The following GPR158 variants were observed in gnomAD, a reference collection of about 807,000 sequenced individuals.
The protein encoded by GPR158 is metabotropic glycine receptor.
GPR158 carries 30 observed loss-of-function variants against 78.2 expected under a neutral mutation model. The ratio of observed to expected loss-of-function variants is 0.38; its 90% CI spans 0.29 to 0.52. The LOEUF (loss-of-function observed/expected upper bound fraction) is 0.52. Ranked by LOEUF, GPR158 falls within the 20% of genes least tolerant of loss-of-function variation. The pLI is 0.83. For missense variants in GPR158, 1,463 were observed against 1,523.5 expected (o/e 0.96, Z 0.66); for synonymous variants, 581 against 591.1 (o/e 0.98, Z 0.25).
chr10:25,398,049 A>T (rs1178017569), intron 3 of GPR158, among the ~76,000 whole-genome samples: 1 of 152,156 alleles, frequency 6.6e-6, no homozygotes, highest in Non-Finnish European at 1.5e-5. Flanking sequence ...AGGGACTTCG[A>T]CTACTACAAT....
chr10:25,524,311 G>T (rs1176825523), intron 5 of GPR158, among the ~76,000 whole-genome samples: 2 of 152,088 alleles, frequency 1.3e-5, no homozygotes, highest in Admixed American at 6.6e-5. Context: ...ATATGGACAC[G>T]CAAGGGGCCC....
intron 7 of GPR158, among the ~76,000 whole-genome samples, chr10:25,587,687 A>G (rs1414580170): frequency 6.6e-6 from 1 of 152,338 alleles, no homozygotes; most frequent in South Asian, 2.1e-4. Flanking sequence ...AGACAGACCT[A>G]CACTAGATCT....
At chr10:25,233,187 A>G (rs968416510) in intron 2 of GPR158, among the ~76,000 whole-genome samples, 1 of 152,198 alleles carries the variant, frequency 6.6e-6, no homozygotes, top group Admixed American at 6.5e-5. Flanking sequence ...TTTATTCTAA[A>G]TATGTGGGTA....
At chr10:25,326,110 C>G (rs938476898) in intron 2 of GPR158, among the ~76,000 whole-genome samples, 15 of 152,136 alleles carry the variant, frequency 9.9e-5, no homozygotes, top group Admixed American at 3.3e-4. Flanking sequence ...CTCCCTCCCC[C>G]TAACAGGCTT....
At chr10:25,431,751 T>C (rs1411410915) in intron 4 of GPR158, among the ~76,000 whole-genome samples, 4 of 151,918 alleles carry the variant, frequency 2.6e-5, no homozygotes, top group Non-Finnish European at 5.9e-5. Context: ...CAGTAAACTA[T>C]CGCAAGAACA....
chr10:25,438,596 T>C (rs1835028962), intron 4 of GPR158, among the ~76,000 whole-genome samples: 1 of 152,212 alleles, frequency 6.6e-6, no homozygotes, highest in Admixed American at 6.5e-5. Flanking sequence ...CAGTTACAAA[T>C]GGAAAAATTG....
At chr10:25,352,012 A>G (rs1588817462) in intron 2 of GPR158, among the ~76,000 whole-genome samples, 1 of 125,326 alleles carries the variant, frequency 8.0e-6, no homozygotes, top group Middle Eastern at 4.6e-3. Context: ...TTAATAATGC[A>G]TAGCCACTAC....
At chr10:25,521,070 C>T (rs186212255) in intron 5 of GPR158, among the ~76,000 whole-genome samples, 122 of 152,302 alleles carry the variant, frequency 8.0e-4, no homozygotes, top group African/African-American at 2.7e-3. Flanking sequence ...TCTCGTGGTG[C>T]GCCATTTCCT....
At chr10:25,316,990 T>C (rs1854864001) in intron 2 of GPR158, among the ~76,000 whole-genome samples, 2 of 151,662 alleles carry the variant, frequency 1.3e-5, no homozygotes, top group South Asian at 4.2e-4. Flanking sequence ...ACTTCAATTA[T>C]ACATATCCAT....
At chr10:25,179,950 T>A (rs541344818) in intron 1 of GPR158, among the ~76,000 whole-genome samples, 1 of 152,340 alleles carries the variant, frequency 6.6e-6, no homozygotes, top group Non-Finnish European at 1.5e-5. Flanking sequence ...CTTAAAGTAC[T>A]ATGGAGTTGG....
intron 7 of GPR158, among the ~76,000 whole-genome samples, chr10:25,582,847 T>C (rs979749803): frequency 6.6e-6 from 1 of 152,166 alleles, no homozygotes; most frequent in African/African-American, 2.4e-5. Context: ...GGGACAAAAA[T>C]TACTTCTGAG....
intron 2 of GPR158, among the ~76,000 whole-genome samples, chr10:25,331,534 G>A (rs572783067): frequency 9.8e-5 from 15 of 152,296 alleles, no homozygotes; most frequent in South Asian, 2.1e-4. Context: ...CCATGAACCC[G>A]TAGCAGAAAA....
chr10:25,526,516 G>C (rs926254456), intron 5 of GPR158, among the ~76,000 whole-genome samples: 7 of 152,178 alleles, frequency 4.6e-5, no homozygotes, highest in African/African-American at 1.7e-4. Flanking sequence ...CCAATCAAGA[G>C]ACAGAAACTG....
chr10:25,338,797 C>T (rs1306374648), intron 2 of GPR158, among the ~76,000 whole-genome samples: 5 of 150,384 alleles, frequency 3.3e-5, no homozygotes, highest in African/African-American at 1.2e-4. Context: ...TAATTTGTGC[C>T]AGAAATAAGC....
At chr10:25,223,617 A>T (rs1268658111) in intron 2 of GPR158, among the ~76,000 whole-genome samples, 1 of 152,134 alleles carries the variant, frequency 6.6e-6, no homozygotes, top group East Asian at 1.9e-4. Context: ...AGAAAGAAAC[A>T]TGTCTCACTT....
intron 4 of GPR158, chr10:25,466,382 G>A (rs1389932631): frequency 1.2e-5 from 4 of 340,928 alleles, no homozygotes; most frequent in Non-Finnish European, 2.1e-5. Flanking sequence ...AGTGTTCTTA[G>A]CTGCTCAGGC....
intron 2 of GPR158, among the ~76,000 whole-genome samples, chr10:25,292,924 A>G (rs188675533): frequency 1.5e-4 from 23 of 152,330 alleles, no homozygotes; most frequent in African/African-American, 5.5e-4. Context: ...AAAAGTAACA[A>G]GAGTTATAAG....
intron 2 of GPR158, among the ~76,000 whole-genome samples, chr10:25,351,174 C>G (rs1404445507): frequency 6.6e-6 from 1 of 151,888 alleles, no homozygotes; most frequent in Non-Finnish European, 1.5e-5. Flanking sequence ...TCCTAATATA[C>G]CTAGATATAC....
At chr10:25,304,285 C>A (rs1246269359) in intron 2 of GPR158, among the ~76,000 whole-genome samples, 1 of 151,980 alleles carries the variant, frequency 6.6e-6, no homozygotes, top group Non-Finnish European at 1.5e-5. Context: ...GCATGGATAT[C>A]TAAACTCAAG....
Sources: gnomAD v4.1 joint callset for allele counts (sites outside exome capture counted in the v4.1 genomes callset) on GRCh38, gnomAD v4.1.1 for gene constraint, MANE v1.5 for transcripts, NCBI Gene and HGNC (gene_info 2026-07-23, HGNC 2026-07-21) for gene names.